ATP13A4: variants seen among roughly 807,000 people sequenced by gnomAD.
The protein encoded by ATP13A4 is probable cation-transporting ATPase 13A4.
ATP13A4 carries 114 observed loss-of-function variants against 142.5 expected under a neutral mutation model. That is an observed-to-expected ratio of 0.80 (90% CI 0.69 to 0.93). The LOEUF is 0.93. ATP13A4 is among the 40% of genes least tolerant of loss of function. ATP13A4 has a pLI of 0.00. For missense variants in ATP13A4, 1,392 were observed against 1,454.0 expected, an observed-to-expected ratio of 0.96 and a Z score of 0.69; for synonymous variants, 488 against 514.8, an observed-to-expected ratio of 0.95 and a Z score of 0.70.
At chr3:193,578,032 C>T (rs1296471974) in intron 2 of ATP13A4, among the ~76,000 whole-genome samples, 1 of 152,070 alleles carries the variant, frequency 6.6e-6, no homozygotes, top group African/African-American at 2.4e-5. Flanking sequence ...CGGTGGCTCA[C>T]TCTTATAATC....
chr3:193,569,646 G>T (rs1724216755), intron 2 of ATP13A4, among the ~76,000 whole-genome samples: 2 of 151,820 alleles, frequency 1.3e-5, no homozygotes, highest in Admixed American at 6.6e-5. Flanking sequence ...TCCCATCTCA[G>T]CCTCCCAAGT....
rs1188671903 is a variant in ATP13A4 at position 193,400,782 on chromosome 3, CT to C, written c.*1869del. 1.1e-4 allele frequency among the ~76,000 whole-genome samples: 16 copies of C among 152,306 alleles called. No individual in the cohort carries two copies. Among genetic ancestry groups the C allele is most frequent in the East Asian group, 3.9e-4 (2 of 5,182 alleles). On this transcript the variant is annotated 3_prime_UTR_variant, in exon 30 of 30. Coordinates refer to ENST00000342695, the MANE Select transcript of ATP13A4 (RefSeq NM_032279.4). ...AGCAAAGGGCACATTTAAGTATGAA[CT>C]GTGCAGGCTGATCTTGCTCATGACT...
chr3:193,561,403 G>A (rs1304031114), intron 2 of ATP13A4, among the ~76,000 whole-genome samples: 1 of 152,186 alleles, frequency 6.6e-6, no homozygotes, highest in African/African-American at 2.4e-5. Context: ...AGTCCACTTA[G>A]GATTATTTAT....
At chr3:193,408,620 G>A (rs1394023016) in intron 28 of ATP13A4, among the ~76,000 whole-genome samples, 1 of 152,180 alleles carries the variant, frequency 6.6e-6, no homozygotes, top group Non-Finnish European at 1.5e-5. Context: ...CACATCCACT[G>A]TAAAGCATAT....
chr3:193,484,117 T>C (rs1719466764), intron 7 of ATP13A4, 112 bp from the exon 8 acceptor site: 6 of 887,728 alleles, frequency 6.8e-6, no homozygotes, highest in Non-Finnish European at 9.4e-6. Flanking sequence ...GCCAGTTGAA[T>C]GGAATGTACT....
chr3:193,425,278 C>T (rs1715600036), intron 25 of ATP13A4, among the ~76,000 whole-genome samples: 1 of 151,652 alleles, frequency 6.6e-6, no homozygotes, highest in African/African-American at 2.4e-5. Context: ...TAAATTAATA[C>T]AGCCATTAAA....
chr3:193,579,610 T>C (rs914217523), intron 2 of ATP13A4: 44 of 152,186 alleles, frequency 2.9e-4, no homozygotes, highest in Non-Finnish European at 1.5e-4. Flanking sequence ...TATGGTTAAA[T>C]TGGCCATATG....
chr3:193,591,713 A>G (rs932168190), intron 1 of ATP13A4, among the ~76,000 whole-genome samples: 1 of 152,272 alleles, frequency 6.6e-6, no homozygotes, highest in Non-Finnish European at 1.5e-5. Flanking sequence ...TTCATAAAAC[A>G]TATGATAACC....
At position 193,583,016 on chromosome 3, in the gene ATP13A4, T is replaced by C. The variant is rs905242226; in HGVS notation, n.92-1110A>G. On this transcript the variant is annotated intron_variant and non_coding_transcript_variant, in intron 1 of 3. Coordinates refer to the ATP13A4 transcript ENST00000489140. ...ATATAAAATATATATATGTATATTA[T>C]ATAGATATAAAAAATATATATGTAT... is the stretch of plus-strand genomic sequence containing the variant. 5.1e-4 allele frequency among the ~76,000 whole-genome samples: 72 copies of C among 140,056 alleles called. 1 individual carries two copies. The highest frequency in any genetic ancestry group is 1.4e-3 in the East Asian group (7 of 4,962). The allele number at this position is 140,056 out of a possible 152,430, so 91.9% of individuals were successfully genotyped here. A position where few individuals can be genotyped will look rare whatever the true frequency, so the allele number is the denominator to read the frequency against.
At chr3:193,408,421 T>C (rs1204413191) in intron 28 of ATP13A4, among the ~76,000 whole-genome samples, 1 of 152,214 alleles carries the variant, frequency 6.6e-6, no homozygotes, top group African/African-American at 2.4e-5. Flanking sequence ...CATAAAATAT[T>C]ATATTAGCAT....
chr3:193,576,312 C>T (rs369629668), intron 2 of ATP13A4, among the ~76,000 whole-genome samples: 9 of 129,482 alleles, frequency 7.0e-5, no homozygotes, highest in African/African-American at 2.7e-4. Flanking sequence ...TCGCCCAGGC[C>T]GGACTGCGGA....
chr3:193,504,033 G>C (rs1720717112), intron 2 of ATP13A4, among the ~76,000 whole-genome samples: 2 of 151,908 alleles, frequency 1.3e-5, no homozygotes, highest in African/African-American at 2.4e-5. Flanking sequence ...GAGAGAGAGA[G>C]AGAGAGAGAA....
chr3:193,521,053 G>C (rs13082545), intron 1 of ATP13A4, among the ~76,000 whole-genome samples: 2 of 152,070 alleles, frequency 1.3e-5, no homozygotes, highest in Non-Finnish European at 2.9e-5. Context: ...GGCAACGATC[G>C]TAAAAATGCT....
At chr3:193,455,749 C>A (rs967815211) in intron 16 of ATP13A4, among the ~76,000 whole-genome samples, 2 of 152,156 alleles carry the variant, frequency 1.3e-5, no homozygotes, top group African/African-American at 4.8e-5. Flanking sequence ...ATGTTTATTG[C>A]AGCACTATTC....
chr3:193,571,542 T>C (rs976727374), intron 2 of ATP13A4, among the ~76,000 whole-genome samples: 1 of 152,150 alleles, frequency 6.6e-6, no homozygotes, highest in Non-Finnish European at 1.5e-5. Context: ...AGTCAGGTGA[T>C]GAAGGTTAAT....
intron 8 of ATP13A4, among the ~76,000 whole-genome samples, chr3:193,483,008 A>G (rs1450476474): frequency 6.6e-6 from 1 of 152,216 alleles, no homozygotes; most frequent in African/African-American, 2.4e-5. Flanking sequence ...CAACAGGTGA[A>G]TGGATGAACA....
intron 1 of ATP13A4, among the ~76,000 whole-genome samples, chr3:193,551,884 C>T (rs1321927135): frequency 1.3e-5 from 2 of 152,230 alleles, no homozygotes; most frequent in Non-Finnish European, 2.9e-5. Flanking sequence ...TGTCTCATTT[C>T]GCAGTTAAAG....
At chr3:193,474,636 AAAGAAAGAAAGG>A (rs1718838689) in intron 8 of ATP13A4, among the ~76,000 whole-genome samples, 1 of 150,248 alleles carries the variant, frequency 6.7e-6, no homozygotes, top group African/African-American at 2.4e-5. Context: ...GAGAGACGAG[AAAGAAAGAAAGG>A]AAGAAAGAAA....
intron 12 of ATP13A4, among the ~76,000 whole-genome samples, 186 bp downstream of exon 12, chr3:193,464,751 TCTC>T (rs557190344): frequency 8.9e-4 from 136 of 152,198 alleles, no homozygotes; most frequent in African/African-American, 3.2e-3. Flanking sequence ...AGTACCCACT[TCTC>T]CTCTAAACCT....
Sources: gnomAD v4.1 joint callset for allele counts (sites outside exome capture counted in the v4.1 genomes callset) on GRCh38, gnomAD v4.1.1 for gene constraint, MANE v1.5 for transcripts, NCBI Gene and HGNC (gene_info 2026-07-23, HGNC 2026-07-21) for gene names.